The following HCFC2 variants were observed in gnomAD, a reference collection of about 807,000 sequenced individuals.
The protein encoded by HCFC2 is host cell factor C2.
A neutral mutation model predicts 89.2 loss-of-function variants in HCFC2; 18 were observed. That is an observed-to-expected ratio of 0.20 (90% CI 0.14 to 0.30). HCFC2 has a LOEUF of 0.30. HCFC2 is among the 10% of genes least tolerant of loss of function. The pLI is 1.00. For synonymous variants in HCFC2, 308 were observed against 335.7 expected (o/e 0.92, Z 0.90); for missense variants, 578 against 956.1 (o/e 0.60, Z 5.21).
At position 104,103,583 on chromosome 12, in the gene HCFC2, C is replaced by G. The variant is rs1280000085; in HGVS notation, c.*310C>G. 1 of 285,838 alleles carries G rather than the reference C, an allele frequency of 3.5e-6. No individual in the cohort carries two copies. Among genetic ancestry groups the G allele is most frequent in the Non-Finnish European group, 6.6e-6 (1 of 151,448 alleles). 17.7% of individuals were successfully genotyped at this position (285,838 alleles called of 1,614,324 possible). ...TATCTTTTATAAGGGCTGTGTAACC[C>G]AGTCATCCTAGAGTTATTGAGATGA... is the stretch of plus-strand genomic sequence containing the variant. On this transcript the variant is annotated 3_prime_UTR_variant, in exon 15 of 15. Transcript: ENST00000229330.
At chr12:104,083,483 T>C (rs1159421313) in intron 7 of HCFC2, among the ~76,000 whole-genome samples, 2 of 152,108 alleles carry the variant, frequency 1.3e-5, no homozygotes, top group Admixed American at 6.5e-5. Flanking sequence ...TACAACTGAA[T>C]GTGATGTTGT....
At chr12:104,071,313 T>G (rs2136595989) in intron 3 of HCFC2, among the ~76,000 whole-genome samples, 1 of 152,374 alleles carries the variant, frequency 6.6e-6, no homozygotes, top group Non-Finnish European at 1.5e-5. Context: ...CCCTTTTTCA[T>G]GTATTAGCTT....
chr12:104,083,754 AGTGGCTCAC>A (rs1401935132), intron 7 of HCFC2, among the ~76,000 whole-genome samples: 3 of 152,326 alleles, frequency 2.0e-5, no homozygotes, highest in East Asian at 3.9e-4. Context: ...GGCTGGGTGC[AGTGGCTCAC>A]ACCTGTAATC....
chr12:104,093,604 C>T (rs773964116), intron 10 of HCFC2, 41 bp downstream of exon 10: 31 of 1,507,014 alleles, frequency 2.1e-5, no homozygotes, highest in African/African-American at 8.4e-5. Context: ...TTTATAAAAT[C>T]GGTGGGGAAT....
intron 9 of HCFC2, 100 bp downstream of exon 9, chr12:104,088,138 T>A: frequency 1.6e-6 from 1 of 626,450 alleles, no homozygotes; most frequent in Non-Finnish European, 2.6e-6. Flanking sequence ...GAGGGGTCCT[T>A]AATCCTGCCT....
chr12:104,069,537 A>G (rs1195745891), intron 3 of HCFC2, among the ~76,000 whole-genome samples: 1 of 152,010 alleles, frequency 6.6e-6, no homozygotes, highest in African/African-American at 2.4e-5. Context: ...AAAAAAAAAA[A>G]AAAGATTTCA....
chr12:104,087,474 T>C (rs933433000), intron 8 of HCFC2, among the ~76,000 whole-genome samples: 7 of 145,280 alleles, frequency 4.8e-5, no homozygotes, highest in East Asian at 2.0e-4. Context: ...TACATATATA[T>C]ATATATATAT....
In HCFC2 at chr12:104,103,044, G is replaced by A; in HGVS notation, c.2150G>A (p.Arg717His). 1.9e-6 allele frequency: 3 copies of A among 1,613,664 alleles called. No homozygotes were observed. The highest frequency in any genetic ancestry group is 1.1e-5 in the South Asian group (1 of 91,060). ...GAATATTCAGCCTACTTGGCTATCC[G>A]CACAGCACAGATACAAGATAATCCA... ...ILEYSAYLAI[R>H]TAQIQDNPSQ... Residue 717 changes from arginine to histidine, a missense_variant, in exon 15 of 15, where the codon CGC (arginine) becomes CAC (histidine). Arg to His is a conservative substitution (Grantham distance 29). This residue lies in a region of HCFC2 where 140 missense variants were observed against 266.4 expected (regional missense o/e 0.53). Coordinates refer to ENST00000229330, the MANE Select transcript of HCFC2 (RefSeq NM_013320.3).
intron 3 of HCFC2, among the ~76,000 whole-genome samples, chr12:104,075,504 G>C (rs1883467169): frequency 6.9e-6 from 1 of 145,100 alleles, no homozygotes. Flanking sequence ...TGTCACCCAG[G>C]CTAGAGGGTG....
rs935297348 is a variant in HCFC2, at chr12:104,098,372, A to T, written c.1770A>T (p.Thr590=). 1.2e-6 allele frequency: 2 copies of T among 1,609,384 alleles called. No individual in the cohort carries two copies. The highest frequency in any genetic ancestry group is 1.7e-6 in the Non-Finnish European group (2 of 1,178,854). ...SKETPSNPVA[T]VKAGERQWCD... ...AGACTCCTTCAAATCCAGTGGCCAC[A>T]GTGAAAGCGGGAGAACGACAATGGT... is the stretch of plus-strand genomic sequence containing the variant. Residue 590 remains threonine, a synonymous_variant, in exon 13 of 15, where the codon ACA becomes ACT. Coordinates refer to ENST00000229330, the MANE Select transcript of HCFC2 (RefSeq NM_013320.3).
chr12:104,076,857 G>C (rs1194463216), intron 3 of HCFC2, among the ~76,000 whole-genome samples: 2 of 152,144 alleles, frequency 1.3e-5, no homozygotes, highest in Non-Finnish European at 2.9e-5. Flanking sequence ...TTCTGCCCTT[G>C]TATTTTGTGT....
chr12:104,081,904 CAAAA>C (rs761929991), intron 5 of HCFC2, among the ~76,000 whole-genome samples: 6 of 62,556 alleles, frequency 9.6e-5, no homozygotes, highest in Non-Finnish European at 1.2e-4. Context: ...GATCCTGTCT[CAAAA>C]AAAAAAAAAA....
intron 9 of HCFC2, among the ~76,000 whole-genome samples, chr12:104,091,368 G>T (rs752043433): frequency 6.6e-6 from 1 of 152,168 alleles, no homozygotes; most frequent in Non-Finnish European, 1.5e-5. Flanking sequence ...ACCACTGACT[G>T]CACTGGGCCC....
chr12:104,066,995 C>G lies in HCFC2; in HGVS notation c.312+680C>G, dbSNP rs867993284. Among the ~76,000 whole-genome samples the G allele has an allele frequency of 3.3e-5, 5 of 152,250 alleles. No homozygotes were observed. In the Middle Eastern group the frequency reaches 0.01, roughly 311 times the overall value. The stretch of plus-strand genomic sequence containing the variant: ...TAGAGACGGGTTTTCACCATGTTGG[C>G]CAGGCTGGTCTTGAACTCCTGACCT... On this transcript the variant is annotated intron_variant, in intron 2 of 14. Transcript: ENST00000229330.
intron 9 of HCFC2, 58 bp from the exon 10 acceptor site, chr12:104,093,328 A>G (rs1035217779): frequency 6.7e-6 from 8 of 1,192,990 alleles, no homozygotes; most frequent in Non-Finnish European, 9.2e-6. Flanking sequence ...TGTTTTTTAC[A>G]TGTATTTGTA....
At chr12:104,077,706 C>A (rs1038550749) in intron 3 of HCFC2, among the ~76,000 whole-genome samples, 1 of 151,778 alleles carries the variant, frequency 6.6e-6, no homozygotes, top group Non-Finnish European at 1.5e-5. Flanking sequence ...TTTGTGCATA[C>A]CTTAGTTGCT....
intron 7 of HCFC2, 64 bp from the exon 8 acceptor site, chr12:104,086,783 A>G: frequency 6.8e-7 from 1 of 1,464,402 alleles, no homozygotes; most frequent in African/African-American, 1.4e-5. Context: ...GTCCACACAA[A>G]TTATATCAGC....
Position 104,079,558 on chromosome 12 carries a change from T to C in HCFC2, c.587T>C (p.Val196Ala). 1.2e-6 allele frequency: 2 copies of C among 1,614,050 alleles called. No homozygotes were observed. The highest frequency in any genetic ancestry group is 8.5e-7 in the Non-Finnish European group (1 of 1,179,942). Reference protein sequence around the residue: ...VPSPRESHTAVIYCKKDSGSP... With the variant: ...VPSPRESHTAAIYCKKDSGSP... Reference sequence around the variant, plus strand: ...TCTCCAAGAGAATCCCACACAGCTGTTATATATTGCAAAAAAGATTCTGGA... The same window carrying C: ...TCTCCAAGAGAATCCCACACAGCTGCTATATATTGCAAAAAAGATTCTGGA... The change falls in exon 4 of 15, where the codon GTT becomes GCT. Residue 196 changes from valine (V) to alanine (A), a missense_variant. Val to Ala is a moderately conservative substitution (Grantham distance 64, BLOSUM62 0). Transcript: ENST00000229330.
At chr12:104,072,190 G>C (rs1883342614) in intron 3 of HCFC2, among the ~76,000 whole-genome samples, 1 of 152,042 alleles carries the variant, frequency 6.6e-6, no homozygotes, top group Non-Finnish European at 1.5e-5. Flanking sequence ...TGGGCAACAT[G>C]GCAAGACCCT....
Sources: allele counts gnomAD v4.1 joint callset (sites outside exome capture counted in the v4.1 genomes callset), GRCh38; gene constraint gnomAD v4.1.1; regional missense constraint gnomAD v4.1.1; transcripts MANE v1.5; gene names NCBI Gene and HGNC (gene_info 2026-07-23, HGNC 2026-07-21).